The following SCHIP1 variants were observed in gnomAD, a reference collection of about 807,000 sequenced individuals.
SCHIP1 encodes schwannomin-interacting protein 1.
SCHIP1 carries 8 observed loss-of-function variants against 29.7 expected under a neutral mutation model. That is an observed-to-expected ratio of 0.27 (90% CI 0.16 to 0.49). The LOEUF is 0.49. Ranked by LOEUF, SCHIP1 falls within the 20% of genes least tolerant of loss-of-function variation. The pLI is 0.99. For synonymous variants in SCHIP1, 76 were observed against 94.9 expected, an observed-to-expected ratio of 0.80 and a Z score of 1.16; for missense variants, 193 against 294.6, an observed-to-expected ratio of 0.66 and a Z score of 2.52.
chr3:159,396,821 G>T, the SCHIP1 span, among the ~76,000 whole-genome samples: 2 of 151,848 alleles, frequency 1.3e-5, no homozygotes, highest in African/African-American at 2.4e-5. Flanking sequence ...TTCTCGAGGA[G>T]TATCTTTGTG....
At chr3:159,677,653 C>G in the SCHIP1 span, among the ~76,000 whole-genome samples, 1 of 152,182 alleles carries the variant, frequency 6.6e-6, no homozygotes, top group Non-Finnish European at 1.5e-5. Flanking sequence ...ATCTGTACCC[C>G]TGTCCTGGAG....
the SCHIP1 span, among the ~76,000 whole-genome samples, chr3:159,727,426 G>A: frequency 5.3e-5 from 8 of 152,252 alleles, no homozygotes; most frequent in South Asian, 6.2e-4. Flanking sequence ...GTTCTGAAGA[G>A]CCCAGCATGT....
chr3:159,521,753 G>GGTGA, the SCHIP1 span, among the ~76,000 whole-genome samples: 33 of 152,264 alleles, frequency 2.2e-4, no homozygotes, highest in South Asian at 4.3e-3. Flanking sequence ...CCCCTGAGTT[G>GGTGA]GTGAGTCATA....
chr3:159,713,453 T>C, the SCHIP1 span, among the ~76,000 whole-genome samples: 1 of 152,244 alleles, frequency 6.6e-6, no homozygotes, highest in Non-Finnish European at 1.5e-5. Context: ...TAGTGTGCTA[T>C]ATTCAAAGCA....
the SCHIP1 span, among the ~76,000 whole-genome samples, chr3:159,759,641 C>A: frequency 1.3e-5 from 2 of 152,096 alleles, no homozygotes; most frequent in Admixed American, 6.6e-5. Context: ...TATCCAGGAC[C>A]CTTTACCCCA....
chr3:159,727,257 A>C, the SCHIP1 span, among the ~76,000 whole-genome samples: 1 of 152,242 alleles, frequency 6.6e-6, no homozygotes. Flanking sequence ...ATCAACACCC[A>C]GTCACCTCTT....
the SCHIP1 span, among the ~76,000 whole-genome samples, chr3:159,617,715 C>T: frequency 1.3e-5 from 2 of 152,148 alleles, no homozygotes; most frequent in South Asian, 2.1e-4. Flanking sequence ...ATTTACTACC[C>T]CCCCTAGGAA....
the SCHIP1 span, among the ~76,000 whole-genome samples, chr3:159,445,941 G>T: frequency 4.0e-5 from 6 of 151,114 alleles, no homozygotes; most frequent in Non-Finnish European, 7.4e-5. Context: ...ATGAGTTAAT[G>T]GGTGCAGCAC....
the SCHIP1 span, among the ~76,000 whole-genome samples, chr3:159,762,236 G>A: frequency 2.3e-4 from 35 of 152,296 alleles, no homozygotes; most frequent in South Asian, 7.2e-3. Context: ...CATCAGTACC[G>A]TTTTACAAAA....
At chr3:159,693,548 T>C in the SCHIP1 span, among the ~76,000 whole-genome samples, 1 of 152,212 alleles carries the variant, frequency 6.6e-6, no homozygotes, top group Non-Finnish European at 1.5e-5. Context: ...TGGGAGAGTA[T>C]AGTGTCTCTT....
At chr3:159,767,028 G>A in the SCHIP1 span, among the ~76,000 whole-genome samples, 1 of 152,076 alleles carries the variant, frequency 6.6e-6, no homozygotes, top group Non-Finnish European at 1.5e-5. Context: ...TGCCCCTTCT[G>A]GTCATTTCCT....
chr3:159,668,376 C>CA, the SCHIP1 span, among the ~76,000 whole-genome samples: 1,344 of 45,756 alleles, frequency 0.029, 39 homozygotes, highest in East Asian at 0.066. Flanking sequence ...GACTCCGTCT[C>CA]AAAAAAAAAA....
chr3:159,499,399 C>A, the SCHIP1 span, among the ~76,000 whole-genome samples: 1 of 152,162 alleles, frequency 6.6e-6, no homozygotes, highest in South Asian at 2.1e-4. Flanking sequence ...CTGCATACAC[C>A]GTAACTTTTC....
chr3:159,625,183 TC>T, the SCHIP1 span, among the ~76,000 whole-genome samples: 1 of 152,134 alleles, frequency 6.6e-6, no homozygotes, highest in Non-Finnish European at 1.5e-5. Flanking sequence ...AGAAACCAGG[TC>T]CACCTCCTAA....
the SCHIP1 span, among the ~76,000 whole-genome samples, chr3:159,552,508 T>C: frequency 6.6e-6 from 1 of 152,356 alleles, no homozygotes; most frequent in Admixed American, 6.5e-5. Context: ...TACTTCCATG[T>C]TCAACTGCAG....
chr3:159,554,666 G>C, the SCHIP1 span, among the ~76,000 whole-genome samples: 2 of 152,042 alleles, frequency 1.3e-5, no homozygotes, highest in South Asian at 2.1e-4. Context: ...TATGGTTCTA[G>C]CTTCTTCTGA....
chr3:159,473,354 G>A, the SCHIP1 span, among the ~76,000 whole-genome samples: 1 of 152,052 alleles, frequency 6.6e-6, no homozygotes, highest in African/African-American at 2.4e-5. Context: ...TCATCTAAAT[G>A]TAACGCATGT....
At chr3:159,517,065 G>A in the SCHIP1 span, among the ~76,000 whole-genome samples, 14 of 152,132 alleles carry the variant, frequency 9.2e-5, no homozygotes, top group Admixed American at 3.3e-4. Flanking sequence ...CTCAGGTGGC[G>A]TATCAGCCAG....
At chr3:159,395,362 C>A in the SCHIP1 span, among the ~76,000 whole-genome samples, 1 of 152,104 alleles carries the variant, frequency 6.6e-6, no homozygotes, top group Admixed American at 6.5e-5. Context: ...CTTCTGCTAG[C>A]TTTTGAATGT....
Sources: gnomAD v4.1 joint callset for allele counts (sites outside exome capture counted in the v4.1 genomes callset) on GRCh38, gnomAD v4.1.1 for gene constraint, MANE v1.5 for transcripts, NCBI Gene and HGNC (gene_info 2026-07-23, HGNC 2026-07-21) for gene names.